The following MAP3K1 variants were observed in gnomAD, a reference collection of about 807,000 sequenced individuals.
MAP3K1 encodes the protein mitogen-activated protein kinase kinase kinase 1, also known as MAP/ERK kinase kinase 1.
MAP3K1 carries 36 observed loss-of-function variants against 144.2 expected under a neutral mutation model. That is an observed-to-expected ratio of 0.25 (90% CI 0.19 to 0.33). MAP3K1 has a LOEUF of 0.33. MAP3K1 is among the 10% of genes least tolerant of loss of function. The probability of loss-of-function intolerance (pLI) is 1.00; values close to 1 mark genes in which losing one functional copy is unlikely to be tolerated. For synonymous variants in MAP3K1, 718 were observed against 688.7 expected, an observed-to-expected ratio of 1.04 and a Z score of -0.67; for missense variants, 1,650 against 1,881.9, an observed-to-expected ratio of 0.88 and a Z score of 2.28.
Position 56,815,775 on chromosome 5 carries a change from G to A in MAP3K1, c.202G>A (p.Val68Met), listed in dbSNP as rs1276268078. Residue 68 changes from valine (V) to methionine (M), a missense_variant, in exon 1 of 20, where the codon GTG becomes ATG. By Grantham distance (21) the Val-to-Met change is conservative. Coordinates refer to ENST00000399503, the MANE Select transcript of MAP3K1 (RefSeq NM_005921.2). ...GCGGCAGCTGCGCAAAGTGCGGAGT[G>A]TGGAGCTGGACCAGCTGCCTGAGCA... ...RRRQLRKVRS[V>M]ELDQLPEQPL... 2 of 1,414,172 alleles carry A rather than the reference G, an allele frequency of 1.4e-6. No individual in the cohort carries two copies. The highest frequency in any genetic ancestry group is 1.9e-6 in the Non-Finnish European group (2 of 1,080,778). 87.6% of individuals were successfully genotyped at this position (1,414,172 alleles called of 1,614,324 possible).
At chr5:56,855,386 G>T (rs1409290757) in intron 1 of MAP3K1, among the ~76,000 whole-genome samples, 1 of 152,058 alleles carries the variant, frequency 6.6e-6, no homozygotes, top group Non-Finnish European at 1.5e-5. Flanking sequence ...TTACGCTGTG[G>T]TCTTAATGCC....
intron 6 of MAP3K1, among the ~76,000 whole-genome samples, chr5:56,867,456 A>G (rs1350708139): frequency 6.6e-6 from 1 of 152,240 alleles, no homozygotes; most frequent in African/African-American, 2.4e-5. Flanking sequence ...AATTAGGATA[A>G]ACAAATTTAA....
At chr5:56,863,357 A>G (rs560679692) in intron 3 of MAP3K1, among the ~76,000 whole-genome samples, 2 of 152,368 alleles carry the variant, frequency 1.3e-5, no homozygotes, top group South Asian at 4.1e-4. Context: ...TTCTCTATAT[A>G]TATAATTTGC....
At chr5:56,859,968 T>G (rs1277710735) in intron 3 of MAP3K1, 53 bp downstream of exon 3, 1 of 1,429,824 alleles carries the variant, frequency 7.0e-7, no homozygotes, top group African/African-American at 1.4e-5. Flanking sequence ...TAGCTTCATT[T>G]ATAACAAAGA....
At chr5:56,860,930 T>C (rs1247987394) in intron 3 of MAP3K1, among the ~76,000 whole-genome samples, 1 of 152,046 alleles carries the variant, frequency 6.6e-6, no homozygotes, top group African/African-American at 2.4e-5. Context: ...GAAACAAAAA[T>C]TAGAATTTTA....
intron 2 of MAP3K1, among the ~76,000 whole-genome samples, chr5:56,857,942 T>C (rs1340743828): frequency 2.0e-5 from 3 of 152,216 alleles, no homozygotes; most frequent in Non-Finnish European, 4.4e-5. Context: ...TAAGTTATTA[T>C]GGGCCCGTGA....
chr5:56,823,267 G>A (rs1201044452), intron 1 of MAP3K1, among the ~76,000 whole-genome samples: 5 of 152,158 alleles, frequency 3.3e-5, no homozygotes, highest in Admixed American at 6.5e-5. Flanking sequence ...GCAGGGTTGC[G>A]TGCTTTCATT....
intron 1 of MAP3K1, among the ~76,000 whole-genome samples, chr5:56,848,498 TC>T (rs1279758817): frequency 6.6e-6 from 1 of 152,228 alleles, no homozygotes; most frequent in Non-Finnish European, 1.5e-5. Flanking sequence ...GGTGCTTTGT[TC>T]CTAGCTGCAG....
At chr5:56,827,230 C>A (rs977545745) in intron 1 of MAP3K1, among the ~76,000 whole-genome samples, 1 of 152,178 alleles carries the variant, frequency 6.6e-6, no homozygotes, top group East Asian at 1.9e-4. Flanking sequence ...GAGAGAGCCA[C>A]GCAGAGCTCT....
intron 19 of MAP3K1, among the ~76,000 whole-genome samples, chr5:56,892,885 TAA>T (rs1748588047): frequency 1.3e-5 from 2 of 152,084 alleles, no homozygotes; most frequent in East Asian, 1.9e-4. Flanking sequence ...TTTTAGAATG[TAA>T]AGAGTGTATC....
Position 56,881,559 on chromosome 5 carries a change from T to C in MAP3K1, c.2370-11T>C, listed in dbSNP as rs1748207038. The C allele has an allele frequency of 6.3e-7, 1 of 1,597,128 alleles. No individual in the cohort carries two copies. The highest frequency in any genetic ancestry group is 1.1e-5 in the South Asian group (1 of 90,822). On this transcript the variant is annotated splice_polypyrimidine_tract_variant and intron_variant, in intron 13 of 19. Transcript: ENST00000399503. ...GGAACTTATATGGTAATGAATGTTT[T>C]TTTCTTTCAGGTATAAGAAGCTGCT...
At chr5:56,848,775 G>A (rs147124714) in intron 1 of MAP3K1, among the ~76,000 whole-genome samples, 36 of 152,310 alleles carry the variant, frequency 2.4e-4, no homozygotes, top group Admixed American at 5.9e-4. Context: ...GAGTTATTGT[G>A]CATGACCATG....
chr5:56,881,087 C>G lies in MAP3K1; in HGVS notation c.2184C>G (p.Ser728=). ...TTTTTACTTTCCTTTTTGTAGGATC[C>G]ATTGGTATTGGTGGTGTTGATTATG... ...AVGREILKAG[S]IGIGGVDYVL... Residue 728 remains serine, a synonymous_variant, in exon 13 of 20, where the codon TCC becomes TCG. Transcript: ENST00000399503. 1.9e-6 allele frequency: 3 copies of G among 1,608,524 alleles called. No individual in the cohort carries two copies. Among genetic ancestry groups the G allele is most frequent in the Non-Finnish European group, 2.6e-6 (3 of 1,175,596 alleles).
intron 1 of MAP3K1, among the ~76,000 whole-genome samples, chr5:56,853,335 A>G (rs919916423): frequency 2.6e-5 from 4 of 152,214 alleles, no homozygotes; most frequent in Non-Finnish European, 1.5e-5. Context: ...GAACAGTGAA[A>G]ATTGTTCTGA....
chr5:56,868,869 A>G (rs529284170), intron 6 of MAP3K1, among the ~76,000 whole-genome samples: 1 of 152,204 alleles, frequency 6.6e-6, no homozygotes, highest in South Asian at 2.1e-4. Context: ...ATAGTGGAAT[A>G]TTACTCAGCT....
intron 1 of MAP3K1, among the ~76,000 whole-genome samples, chr5:56,854,215 C>CAT (rs1161236753): frequency 1.3e-5 from 2 of 151,874 alleles, no homozygotes; most frequent in Non-Finnish European, 1.5e-5. Flanking sequence ...GGGTGGATCA[C>CAT]CTGAGGTCAG....
At chr5:56,877,277 C>G (rs919061275) in intron 10 of MAP3K1, among the ~76,000 whole-genome samples, 5 of 152,154 alleles carry the variant, frequency 3.3e-5, no homozygotes, top group African/African-American at 7.2e-5. Context: ...TTCTGCAAAG[C>G]CTTTGCTGTG....
At chr5:56,837,797 GT>G (rs1746698326) in intron 1 of MAP3K1, among the ~76,000 whole-genome samples, 1 of 152,208 alleles carries the variant, frequency 6.6e-6, no homozygotes, top group South Asian at 2.1e-4. Context: ...AAAGTCAAGA[GT>G]GGGAAACAGA....
intron 3 of MAP3K1, among the ~76,000 whole-genome samples, chr5:56,860,679 C>G (rs1747480129): frequency 6.6e-6 from 1 of 151,930 alleles, no homozygotes; most frequent in African/African-American, 2.4e-5. Context: ...ATGGTGAAAC[C>G]TCATCTCTAC....
Sources: gnomAD v4.1 joint callset for allele counts (sites outside exome capture counted in the v4.1 genomes callset) on GRCh38, gnomAD v4.1.1 for gene constraint, MANE v1.5 for transcripts, NCBI Gene and HGNC (gene_info 2026-07-23, HGNC 2026-07-21) for gene names.